Variants in BCAS3 observed in about 807,000 individuals in gnomAD.
The protein encoded by BCAS3 is BCAS4/BCAS3 fusion.
In BCAS3, 53 loss-of-function variants were observed where a neutral mutation model predicts 116.1. The observed-to-expected ratio is 0.46, with a 90% CI of 0.37 to 0.57. BCAS3 has a LOEUF of 0.57. BCAS3 is among the 20% of genes least tolerant of loss of function. BCAS3 has a pLI of 0.00. For missense variants in BCAS3, 917 were observed against 1,165.4 expected (o/e 0.79, Z 3.10); for synonymous variants, 391 against 408.2 (o/e 0.96, Z 0.51).
At chr17:61,142,419 T>G (rs922148236) in intron 22 of BCAS3, among the ~76,000 whole-genome samples, 1 of 152,146 alleles carries the variant, frequency 6.6e-6, no homozygotes, top group Admixed American at 6.5e-5. Context: ...TCAGAGAATT[T>G]TAAGAATGAA....
At chr17:60,893,559 G>A (rs917177984) in intron 10 of BCAS3, among the ~76,000 whole-genome samples, 6 of 142,432 alleles carry the variant, frequency 4.2e-5, no homozygotes, top group Admixed American at 2.1e-4. Context: ...ATAAGTATCT[G>A]ATGTTATTCA....
intron 15 of BCAS3, among the ~76,000 whole-genome samples, chr17:61,000,567 A>C (rs1028497332): frequency 1.3e-5 from 2 of 152,144 alleles, no homozygotes; most frequent in South Asian, 4.2e-4. Flanking sequence ...GTAGAGGATT[A>C]CTGTAGTTTC....
At chr17:60,732,100 A>G (rs1202225427) in intron 5 of BCAS3, among the ~76,000 whole-genome samples, 2 of 152,052 alleles carry the variant, frequency 1.3e-5, no homozygotes, top group African/African-American at 4.8e-5. Flanking sequence ...AACTATTAAC[A>G]TTTGCATTAG....
In BCAS3 at chr17:61,015,808, C is replaced by T; in HGVS notation, c.1544C>T (p.Pro515Leu). The change falls in exon 16 of 24, where the codon CCT becomes CTT. Residue 515 changes from proline (P) to leucine (L), a missense_variant. Physicochemically the swap from Pro to Leu is moderately conservative, Grantham distance 98. This residue lies in a region of BCAS3 where 807 missense variants were observed against 1,026.0 expected (regional missense o/e 0.79). Transcript: ENST00000407086. ...TTTACCAACAACAACCCTGGCAACCCTCGGCTCTCTCCTCTTCCCAGCTTG... is the reference window on the plus strand; with the variant it reads ...TTTACCAACAACAACCCTGGCAACCTTCGGCTCTCTCCTCTTCCCAGCTTG... ...NNFTNNNPGN[P>L]RLSPLPSLMV... is the part of the protein sequence containing the mutation. 3.1e-6 allele frequency: 5 copies of T among 1,613,968 alleles called. No homozygotes were observed. The highest frequency in any genetic ancestry group is 1.1e-5 in the South Asian group (1 of 91,074).
rs764917071 is a variant in BCAS3, at chr17:61,132,170, C to T, written c.2425+47606C>T. Among the ~76,000 whole-genome samples, 2 of 152,194 alleles carry T rather than the reference C, an allele frequency of 1.3e-5. No individual in the cohort carries two copies. The highest frequency in any genetic ancestry group is 2.9e-5 in the Non-Finnish European group (2 of 68,032). The stretch of plus-strand genomic sequence containing the variant: ...TTCTGGTTTTTTCCAGTGATTTTTA[C>T]TAAATTTGATGTTAGGTACCTATAA... On this transcript the variant is annotated intron_variant, in intron 22 of 23. Coordinates refer to ENST00000407086, the MANE Select transcript of BCAS3 (RefSeq NM_017679.5). The surrounding 1 kb of genome is among the most constrained non-coding windows in gnomAD (Gnocchi z 5.1).
chr17:61,204,562 T>C lies in BCAS3; in HGVS notation c.2425+119998T>C, dbSNP rs1371020656. Among the ~76,000 whole-genome samples, 1 of 152,212 alleles carries C rather than the reference T, an allele frequency of 6.6e-6. No individual in the cohort carries two copies. Among genetic ancestry groups the C allele is most frequent in the African/African-American group, 2.4e-5 (1 of 41,456 alleles). On this transcript the variant is annotated intron_variant, in intron 22 of 23. Coordinates refer to ENST00000407086, the MANE Select transcript of BCAS3 (RefSeq NM_017679.5). The surrounding 1 kb of genome is among the most constrained non-coding windows in gnomAD (Gnocchi z 4.2). The stretch of plus-strand genomic sequence containing the variant: ...TGTTGTTGCTTCATCATTGTAACTT[T>C]CTTAAAAACAGAATTTATAGCCCCT...
At position 60,683,505 on chromosome 17, in the gene BCAS3, C is replaced by CTTTTT. The variant is rs138663451; in HGVS notation, c.84-442_84-438dup. On this transcript the variant is annotated intron_variant, in intron 2 of 23. Coordinates refer to ENST00000407086, the MANE Select transcript of BCAS3 (RefSeq NM_017679.5). ...GAAATATCAGGTGATAAGAGTTAGC[C>CTTTTT]TTTTTTTTTTTTTTTTTTTTTTTTT... Among the ~76,000 whole-genome samples, 8 of 44,462 alleles carry CTTTTT rather than the reference C, an allele frequency of 1.8e-4. 1 individual carries two copies. The highest frequency in any genetic ancestry group is 3.4e-4 in the Admixed American group (1 of 2,962). 29.2% of individuals were successfully genotyped at this position (44,462 alleles called of 152,430 possible).
intron 17 of BCAS3, among the ~76,000 whole-genome samples, chr17:61,036,928 G>C (rs772778348): frequency 2.0e-5 from 3 of 152,158 alleles, no homozygotes; most frequent in Non-Finnish European, 4.4e-5. Flanking sequence ...TTCTAAAGGA[G>C]CTTTAGGTTC....
chr17:60,938,939 A>C (rs2060086392), intron 13 of BCAS3, among the ~76,000 whole-genome samples: 1 of 152,230 alleles, frequency 6.6e-6, no homozygotes, highest in South Asian at 2.1e-4. Context: ...GACAGTATCA[A>C]ATGTTGGTGA....
chr17:61,370,646 C>T (rs570093725), intron 23 of BCAS3, among the ~76,000 whole-genome samples: 19 of 152,358 alleles, frequency 1.2e-4, no homozygotes, highest in African/African-American at 4.6e-4. Context: ...CTCGGCCTCC[C>T]AGAGAGCTGG....
At chr17:60,906,149 G>T (rs1485324597) in intron 11 of BCAS3, among the ~76,000 whole-genome samples, 2 of 152,042 alleles carry the variant, frequency 1.3e-5, no homozygotes, top group Non-Finnish European at 2.9e-5. Context: ...ATTATTTGGG[G>T]GCTGATTTTT....
At position 61,144,323 on chromosome 17, in the gene BCAS3, T is replaced by A. The variant is rs965903062; in HGVS notation, c.2425+59759T>A. Among the ~76,000 whole-genome samples, 1 of 152,228 alleles carries A rather than the reference T, an allele frequency of 6.6e-6. No homozygotes were observed. Among genetic ancestry groups the A allele is most frequent in the Non-Finnish European group, 1.5e-5 (1 of 68,044 alleles). ...GACTCCCTACCATCTCCTCCGAGTC[T>A]TCTACGTGTATGTCTAGATACTATG... is the stretch of plus-strand genomic sequence containing the variant. On this transcript the variant is annotated intron_variant, in intron 22 of 23. Coordinates refer to ENST00000407086, the MANE Select transcript of BCAS3 (RefSeq NM_017679.5). This position sits in a 1 kb window ranked among gnomAD's most constrained non-coding sequence, Gnocchi z 5.0.
rs35581770 is a variant in BCAS3, at chr17:61,322,794, CAGAGAGAGAGAGAGAGAG to C, written c.2426-45515_2426-45498del. Among the ~76,000 whole-genome samples, 5 of 99,688 alleles carry C rather than the reference CAGAGAGAGAGAGAGAGAG, an allele frequency of 5.0e-5. No homozygotes were observed. The South Asian group carries it at 1.1e-3, about 21-fold the overall frequency. The allele number at this position is 99,688 out of a possible 152,430, so 65.4% of individuals were successfully genotyped here. A position where few individuals can be genotyped will look rare whatever the true frequency, so the allele number is the denominator to read the frequency against. ...TTAAGCCTCTCTTGAGAGAGAGAGA[CAGAGAGAGAGAGAGAGAG>C]AGAGAGAGAGAGAGAGACAGAGAGA... On this transcript the variant is annotated intron_variant, in intron 22 of 23. Transcript: ENST00000407086.
In BCAS3 at chr17:61,329,345, T is replaced by A. The variant is rs1474960852; in HGVS notation, c.2426-38982T>A. Among the ~76,000 whole-genome samples the A allele has an allele frequency of 8.6e-5, 12 of 139,258 alleles. No homozygotes were observed. The East Asian group carries it at 1.1e-3, about 12-fold the overall frequency. The allele number at this position is 139,258 out of a possible 152,430, so 91.4% of individuals were successfully genotyped here. On this transcript the variant is annotated intron_variant, in intron 22 of 23. Coordinates refer to ENST00000407086, the MANE Select transcript of BCAS3 (RefSeq NM_017679.5). ...GCCATGTTATTATTATTATTATTAT[T>A]TTTTTTTTTTTTTGAGACGGAGTCT...
At chr17:61,292,375 G>A (rs566124752) in intron 22 of BCAS3, among the ~76,000 whole-genome samples, 20 of 152,274 alleles carry the variant, frequency 1.3e-4, no homozygotes, top group Admixed American at 9.1e-4. Context: ...GAGGGGCCGG[G>A]CATGGTGGCT....
Position 61,139,516 on chromosome 17 carries a change from G to A in BCAS3, c.2425+54952G>A, listed in dbSNP as rs914108744. On this transcript the variant is annotated intron_variant, in intron 22 of 23. Transcript: ENST00000407086. This position sits in a 1 kb window ranked among gnomAD's most constrained non-coding sequence, Gnocchi z 4.7. Reference sequence around the variant, plus strand: ...AGTGCGGGCTTTGTTTATAGCAGAAGCCATAATGTATAATGTTCAGGAGTG... The same window carrying A: ...AGTGCGGGCTTTGTTTATAGCAGAAACCATAATGTATAATGTTCAGGAGTG... Among the ~76,000 whole-genome samples, 1 of 152,202 alleles carries A rather than the reference G, an allele frequency of 6.6e-6. No individual in the cohort carries two copies. Among genetic ancestry groups the A allele is most frequent in the African/African-American group, 2.4e-5 (1 of 41,454 alleles).
At position 61,189,665 on chromosome 17, in the gene BCAS3, T is replaced by C. The variant is rs2079985562; in HGVS notation, c.2425+105101T>C. On this transcript the variant is annotated intron_variant, in intron 22 of 23. Transcript: ENST00000407086. This position sits in a 1 kb window ranked among gnomAD's most constrained non-coding sequence, Gnocchi z 4.5. ...GTTGAAAAATAGCTACAAGTAAAAA[T>C]TGTCAGGCATGGTGACTGGATATCA... is the stretch of plus-strand genomic sequence containing the variant. Among the ~76,000 whole-genome samples the C allele has an allele frequency of 1.3e-5, 2 of 152,016 alleles. No homozygotes were observed. Among genetic ancestry groups the C allele is most frequent in the Admixed American group, 1.3e-4 (2 of 15,254 alleles).
chr17:60,804,052 C>G (rs370033736), intron 6 of BCAS3, among the ~76,000 whole-genome samples: 2 of 151,194 alleles, frequency 1.3e-5, no homozygotes, highest in East Asian at 4.0e-4. Context: ...ATCTGCCCGC[C>G]ACGGCCTCCC....
In BCAS3 at chr17:61,265,580, A is replaced by G. The variant is rs181018981; in HGVS notation, c.2426-102747A>G. On this transcript the variant is annotated intron_variant, in intron 22 of 23. Coordinates refer to ENST00000407086, the MANE Select transcript of BCAS3 (RefSeq NM_017679.5). The surrounding 1 kb of genome is among the most constrained non-coding windows in gnomAD (Gnocchi z 4.3). ...CTGGTTTCTACAATCTTGTTTGGCT[A>G]CAATTCATGTTGACTTTACGTAAGG... 6.6e-5 allele frequency among the ~76,000 whole-genome samples: 10 copies of G among 152,326 alleles called. No individual in the cohort carries two copies. In the East Asian group the frequency reaches 1.5e-3, roughly 24 times the overall value.
Sources: gnomAD v4.1 joint callset for allele counts (sites outside exome capture counted in the v4.1 genomes callset) on GRCh38, gnomAD v4.1.1 for gene constraint, gnomAD v4.1.1 regional missense constraint, Gnocchi (gnomAD v3.1) non-coding constraint, MANE v1.5 for transcripts, NCBI Gene and HGNC (gene_info 2026-07-23, HGNC 2026-07-21) for gene names.